Variants in GLI2 observed in about 807,000 individuals in gnomAD.
GLI2 encodes GLI family zinc finger 2.
In GLI2, 22 loss-of-function variants were observed where a neutral mutation model predicts 78.9. The ratio of observed to expected loss-of-function variants is 0.28; its 90% CI spans 0.20 to 0.40. The LOEUF (loss-of-function observed/expected upper bound fraction) is 0.40, where lower values mean the gene tolerates loss of function less well. GLI2 is among the 10% of genes least tolerant of loss of function. GLI2 has a pLI of 1.00. For missense variants in GLI2, 2,097 were observed against 2,213.2 expected (o/e 0.95, Z 1.05); for synonymous variants, 974 against 963.7 (o/e 1.01, Z -0.20).
chr2:120,801,533 A>G (rs1470718857), intron 2 of GLI2, among the ~76,000 whole-genome samples: 2 of 152,246 alleles, frequency 1.3e-5, no homozygotes, highest in Non-Finnish European at 2.9e-5. Flanking sequence ...TGAATGGAAC[A>G]CGATGTAGCC....
intron 2 of GLI2, among the ~76,000 whole-genome samples, chr2:120,837,229 C>G (rs1209769206): frequency 6.6e-6 from 1 of 151,962 alleles, no homozygotes; most frequent in African/African-American, 2.4e-5. Context: ...CCTGTCTCTA[C>G]TAAAAATACA....
At chr2:120,863,253 G>A (rs4143116) in intron 2 of GLI2, among the ~76,000 whole-genome samples, 35,797 of 152,134 alleles carry the variant, frequency 0.24, 4,935 homozygotes, top group East Asian at 0.64. Flanking sequence ...GCATTTCTCC[G>A]GCAGCCGACC....
intron 5 of GLI2, among the ~76,000 whole-genome samples, chr2:120,965,810 G>A (rs559735988): frequency 6.6e-6 from 1 of 152,212 alleles, no homozygotes; most frequent in Non-Finnish European, 1.5e-5. Context: ...GGGCCTCCCT[G>A]CTTCTTTCTG....
chr2:120,754,859 T>TC (rs1366064433), intron 1 of GLI2, among the ~76,000 whole-genome samples: 1 of 151,880 alleles, frequency 6.6e-6, no homozygotes, highest in Non-Finnish European at 1.5e-5. Flanking sequence ...TTTTTCTTTT[T>TC]TTTTTTTTTT....
chr2:120,915,041 G>A (rs535548343), intron 2 of GLI2, among the ~76,000 whole-genome samples: 245 of 152,300 alleles, frequency 1.6e-3, no homozygotes, highest in African/African-American at 5.4e-3. Context: ...CTCCCGTGGC[G>A]TTGGCTGGAG....
chr2:120,881,074 C>T (rs986747111), intron 2 of GLI2, among the ~76,000 whole-genome samples: 1 of 152,160 alleles, frequency 6.6e-6, no homozygotes, highest in Non-Finnish European at 1.5e-5. Context: ...ATAAGATGGT[C>T]GGTGGAATTA....
rs377702863 is a variant in GLI2, at chr2:120,797,404, G to T, written c.84G>T (p.Pro28=). ...GILEAAGFPD[P]GKKASPLVVA... ...TGGAGGCCGCTGGCTTCCCCGACCC[G>T]GGTAAAAAGGCCTCTCCTTTGGTGG... Residue 28 remains proline (P), a synonymous_variant, in exon 2 of 14, where the codon CCG becomes CCT. Transcript: ENST00000361492. 5.0e-6 allele frequency: 8 copies of T among 1,613,888 alleles called. No homozygotes were observed. The highest frequency in any genetic ancestry group is 3.4e-6 in the Non-Finnish European group (4 of 1,179,940).
chr2:120,763,760 G>A (rs757748107), intron 1 of GLI2, among the ~76,000 whole-genome samples: 9 of 152,360 alleles, frequency 5.9e-5, no homozygotes, highest in Non-Finnish European at 1.0e-4. Context: ...TCTCAGGACC[G>A]CTTTGCTGAA....
At position 120,756,859 on chromosome 2, in the gene GLI2, T is replaced by A. The variant is rs147942493; in HGVS notation, c.-31+20574T>A. Among the ~76,000 whole-genome samples, 118 of 152,366 alleles carry A rather than the reference T, an allele frequency of 7.7e-4. 2 individuals carry two copies. The East Asian group carries it at 0.014, about 18-fold the overall frequency. The stretch of plus-strand genomic sequence containing the variant: ...ATATTTCTTCTTCCTATCCTCTATG[T>A]TCTGTTTCTCCTTTGGGGACTCCAG... On this transcript the variant is annotated intron_variant, in intron 1 of 13. Coordinates refer to ENST00000361492, the MANE Select transcript of GLI2 (RefSeq NM_001374353.1).
chr2:120,907,576 A>G (rs1440991610), intron 2 of GLI2, among the ~76,000 whole-genome samples: 1 of 152,208 alleles, frequency 6.6e-6, no homozygotes. Context: ...AACAGTCACC[A>G]TCTGCATGGC....
chr2:120,774,452 AACCCTAT>A (rs1418552662), intron 1 of GLI2, among the ~76,000 whole-genome samples: 1 of 152,110 alleles, frequency 6.6e-6, no homozygotes, highest in Non-Finnish European at 1.5e-5. Flanking sequence ...CCTCTCAAAA[AACCCTAT>A]ACCCATTAGC....
intron 2 of GLI2, among the ~76,000 whole-genome samples, chr2:120,888,444 C>T (rs928236426): frequency 6.6e-6 from 1 of 152,190 alleles, no homozygotes; most frequent in African/African-American, 2.4e-5. Flanking sequence ...AACAGCACCG[C>T]CATCACTTTT....
At chr2:120,796,580 G>T (rs150939954) in intron 1 of GLI2, among the ~76,000 whole-genome samples, 1 of 152,194 alleles carries the variant, frequency 6.6e-6, no homozygotes, top group Non-Finnish European at 1.5e-5. Context: ...ACCCCAGAGA[G>T]GCCTGGCAGC....
In GLI2 at chr2:120,755,547, T is replaced by C. The variant is rs565978373; in HGVS notation, c.-31+19262T>C. Among the ~76,000 whole-genome samples, 32 of 152,276 alleles carry C rather than the reference T, an allele frequency of 2.1e-4. 1 individual carries two copies. Among genetic ancestry groups the C allele is most frequent in the Non-Finnish European group, 2.9e-5 (2 of 68,024 alleles). ...CAGCCTGTGGCTTATCTTTTCATTT[T>C]CCTAACAGTGTCTTTTGTAGACTAA... is the stretch of plus-strand genomic sequence containing the variant. On this transcript the variant is annotated intron_variant, in intron 1 of 13. Transcript: ENST00000361492.
Position 120,805,477 on chromosome 2 carries a change from T to C in GLI2, c.148+8009T>C, listed in dbSNP as rs541291263. Among the ~76,000 whole-genome samples the C allele has an allele frequency of 1.2e-4, 19 of 152,378 alleles. No homozygotes were observed. The South Asian group carries it at 3.9e-3, about 32-fold the overall frequency. Reference sequence around the variant, plus strand: ...CTCCTTCATTTCTCACGGTTCACTGTGAATGTTCAGCTGATGCAGAGTTGG... The same window carrying C: ...CTCCTTCATTTCTCACGGTTCACTGCGAATGTTCAGCTGATGCAGAGTTGG... On this transcript the variant is annotated intron_variant, in intron 2 of 13. Coordinates refer to ENST00000361492, the MANE Select transcript of GLI2 (RefSeq NM_001374353.1).
chr2:120,875,658 G>A (rs1472025629), intron 2 of GLI2, among the ~76,000 whole-genome samples: 5 of 152,300 alleles, frequency 3.3e-5, no homozygotes, highest in East Asian at 1.9e-4. Flanking sequence ...ACACCCTTGC[G>A]TGTGTTATTA....
intron 1 of GLI2, among the ~76,000 whole-genome samples, chr2:120,792,812 G>A (rs903223473): frequency 6.6e-6 from 1 of 151,988 alleles, no homozygotes; most frequent in East Asian, 1.9e-4. Context: ...TAATAGAGAC[G>A]GCCTTTCATC....
At chr2:120,946,376 G>C (rs1680711873) in intron 3 of GLI2, among the ~76,000 whole-genome samples, 1 of 152,228 alleles carries the variant, frequency 6.6e-6, no homozygotes, top group African/African-American at 2.4e-5. Flanking sequence ...GCCTGCAGAA[G>C]GGCTGGCTGT....
chr2:120,778,987 G>A (rs896641415), intron 1 of GLI2, among the ~76,000 whole-genome samples: 1 of 152,136 alleles, frequency 6.6e-6, no homozygotes, highest in African/African-American at 2.4e-5. Context: ...GGGTTAAGAG[G>A]CCCCATCATG....
Sources: allele counts gnomAD v4.1 joint callset (sites outside exome capture counted in the v4.1 genomes callset), GRCh38; gene constraint gnomAD v4.1.1; transcripts MANE v1.5; gene names NCBI Gene and HGNC (gene_info 2026-07-23, HGNC 2026-07-21).